The following REV3L variants were observed in gnomAD, a reference collection of about 807,000 sequenced individuals.
REV3L encodes the protein REV3 like, DNA directed polymerase zeta catalytic subunit.
REV3L carries 69 observed loss-of-function variants against 299.4 expected under a neutral mutation model. The ratio of observed to expected loss-of-function variants is 0.23; its 90% confidence interval spans 0.19 to 0.28. The LOEUF is 0.28. Ranked by LOEUF, REV3L falls within the 10% of genes least tolerant of loss-of-function variation. The probability of loss-of-function intolerance (pLI) is 1.00; values close to 1 mark genes in which losing one functional copy is unlikely to be tolerated. For missense variants in REV3L, 3,128 were observed against 3,693.8 expected (o/e 0.85, Z 3.97); for synonymous variants, 1,238 against 1,271.4 (o/e 0.97, Z 0.56).
intron 1 of REV3L, among the ~76,000 whole-genome samples, chr6:111,468,878 G>A (rs1223358816): frequency 6.6e-6 from 1 of 152,184 alleles, no homozygotes; most frequent in African/African-American, 2.4e-5. Flanking sequence ...TTGGATGACT[G>A]GTCGGGCGTA....
chr6:111,388,216 T>C, intron 7 of REV3L, 131 bp from the exon 8 acceptor site: 1 of 624,894 alleles, frequency 1.6e-6, no homozygotes, highest in South Asian at 2.0e-5. Flanking sequence ...ACAACCTAAC[T>C]GTAGTTTTAC....
chr6:111,394,706 A>ATTTT (rs35239605), intron 4 of REV3L, among the ~76,000 whole-genome samples: 2 of 139,466 alleles, frequency 1.4e-5, no homozygotes, highest in Non-Finnish European at 3.1e-5. Context: ...CTGTCCTACA[A>ATTTT]TTTTTTTTTT....
intron 20 of REV3L, among the ~76,000 whole-genome samples, chr6:111,345,738 T>G (rs1243728086): frequency 6.6e-6 from 1 of 152,066 alleles, no homozygotes; most frequent in Non-Finnish European, 1.5e-5. Context: ...CCCCTGCATG[T>G]ACCCTTCATT....
At chr6:111,335,440 T>A in intron 22 of REV3L, 29 bp downstream of exon 22, 1 of 1,600,222 alleles carries the variant, frequency 6.2e-7, no homozygotes, top group Non-Finnish European at 8.5e-7. Flanking sequence ...TACAGAACTT[T>A]CAAGTCTGCA....
At chr6:111,339,912 T>C (rs1776314406) in intron 21 of REV3L, among the ~76,000 whole-genome samples, 1 of 152,172 alleles carries the variant, frequency 6.6e-6, no homozygotes, top group Non-Finnish European at 1.5e-5. Flanking sequence ...TAAAGAATTA[T>C]GCCATCCTCC....
At chr6:111,476,371 G>A (rs1388929291) in intron 1 of REV3L, among the ~76,000 whole-genome samples, 2 of 152,082 alleles carry the variant, frequency 1.3e-5, no homozygotes, top group Non-Finnish European at 2.9e-5. Context: ...TGCCCAGGCT[G>A]GTCTTGAACT....
intron 1 of REV3L, among the ~76,000 whole-genome samples, chr6:111,450,396 T>C (rs996630281): frequency 6.8e-6 from 1 of 147,354 alleles, no homozygotes; most frequent in Non-Finnish European, 1.5e-5. Context: ...GGAGGACTGC[T>C]TGAGCCCAGG....
chr6:111,369,987 C>T (rs934488174), intron 13 of REV3L, among the ~76,000 whole-genome samples: 19 of 152,008 alleles, frequency 1.2e-4, no homozygotes, highest in Non-Finnish European at 2.6e-4. Context: ...CTCATGCCAC[C>T]ATGCCCAGCT....
In REV3L at chr6:111,375,986, C is replaced by G; in HGVS notation, c.2369G>C (p.Ser790Thr). The G allele has an allele frequency of 6.2e-7, 1 of 1,613,842 alleles. No homozygotes were observed. Among genetic ancestry groups the G allele is most frequent in the Non-Finnish European group, 8.5e-7 (1 of 1,179,870 alleles). The change falls in exon 13 of 32, where the codon AGC becomes ACC. Residue 790 changes from serine (S) to threonine (T), a missense_variant. Ser to Thr is a moderately conservative substitution (Grantham distance 58). Transcript: ENST00000368802. ...AAACATATAGTGTGCTGCTTGCTGG[C>G]TGAGGCTTGGCTTTTCTGTTTTATG... ...QEHKTEKPSLSQQAAHYMFFP... is the reference protein window; with the variant it reads ...QEHKTEKPSLTQQAAHYMFFP...
chr6:111,363,763 C>T, intron 16 of REV3L, 90 bp downstream of exon 16: 2 of 1,275,396 alleles, frequency 1.6e-6, no homozygotes, highest in South Asian at 1.5e-5. Context: ...TATACTCCTC[C>T]CTTGTTAAAA....
intron 28 of REV3L, 191 bp from the exon 29 acceptor site, chr6:111,311,450 T>G: frequency 2.4e-6 from 1 of 420,094 alleles, no homozygotes; most frequent in Admixed American, 4.1e-5. Flanking sequence ...AGCTTGCTAT[T>G]TCTAAAAATA....
rs765564818 is a variant in REV3L at position 111,411,622 on chromosome 6, C to A, written c.330-68G>T. The A allele has an allele frequency of 7.7e-5, 79 of 1,025,756 alleles. 1 individual carries two copies. In the Middle Eastern group the frequency reaches 1.0e-3, roughly 13 times the overall value. The allele number at this position is 1,025,756 out of a possible 1,614,324, so 63.5% of individuals were successfully genotyped here. ...AGAGATGAAATAATGCAACTTATTG[C>A]CCTAATTAGATTCAGCTGGCCAAAT... On this transcript the variant is annotated intron_variant, in intron 2 of 31. Coordinates refer to ENST00000368802, the MANE Select transcript of REV3L (RefSeq NM_001372078.1).
At chr6:111,308,601 T>C (rs1420962746) in intron 30 of REV3L, among the ~76,000 whole-genome samples, 1 of 152,236 alleles carries the variant, frequency 6.6e-6, no homozygotes, top group Non-Finnish European at 1.5e-5. Context: ...ACAACTATAA[T>C]GCTATTTTAC....
At chr6:111,363,762 C>T in intron 16 of REV3L, 91 bp downstream of exon 16, 1 of 1,257,548 alleles carries the variant, frequency 8.0e-7, no homozygotes, top group Non-Finnish European at 1.1e-6. Context: ...ATATACTCCT[C>T]CCTTGTTAAA....
In REV3L at chr6:111,367,450, T is replaced by G; in HGVS notation, c.6338A>C (p.Tyr2113Ser). Reference sequence around the variant, plus strand: ...ATCAGGGGAGCTATAACTAATGTAATAGTTATCATCATCATCTTCATCTTT... The same window carrying G: ...ATCAGGGGAGCTATAACTAATGTAAGAGTTATCATCATCATCTTCATCTTT... ...PEKDEDDDDN[Y>S]YISYSSPDSP... Residue 2113 changes from tyrosine (Y) to serine (S), a missense_variant, in exon 14 of 32, where the codon TAT (tyrosine) becomes TCT (serine). Coordinates refer to ENST00000368802, the MANE Select transcript of REV3L (RefSeq NM_001372078.1). 6.2e-7 allele frequency: 1 copy of G among 1,610,762 alleles called. No individual in the cohort carries two copies. Among genetic ancestry groups the G allele is most frequent in the Non-Finnish European group, 8.5e-7 (1 of 1,178,394 alleles).
chr6:111,412,205 T>C, intron 2 of REV3L: 7 of 985,286 alleles, frequency 7.1e-6, no homozygotes, highest in Non-Finnish European at 8.4e-6. Flanking sequence ...GAAAAAACTG[T>C]GTAGACAGGA....
At chr6:111,386,642 T>G (rs971426751) in intron 9 of REV3L, among the ~76,000 whole-genome samples, 3 of 152,160 alleles carry the variant, frequency 2.0e-5, no homozygotes, top group Non-Finnish European at 4.4e-5. Context: ...CTGTTTCATT[T>G]GTTACTATTG....
intron 1 of REV3L, among the ~76,000 whole-genome samples, chr6:111,418,353 G>A (rs1182920753): frequency 6.6e-6 from 1 of 152,134 alleles, no homozygotes; most frequent in Non-Finnish European, 1.5e-5. Context: ...AAATTGGACT[G>A]TATTAATAGT....
At chr6:111,422,322 T>C (rs1180190882) in intron 1 of REV3L, among the ~76,000 whole-genome samples, 1 of 151,950 alleles carries the variant, frequency 6.6e-6, no homozygotes, top group Non-Finnish European at 1.5e-5. Flanking sequence ...CTGCTTATGC[T>C]ATAGACAGAG....
Sources: gnomAD v4.1 joint callset for allele counts (sites outside exome capture counted in the v4.1 genomes callset) on GRCh38, gnomAD v4.1.1 for gene constraint, MANE v1.5 for transcripts, NCBI Gene and HGNC (gene_info 2026-07-23, HGNC 2026-07-21) for gene names.